Variants in SCD5 observed in about 807,000 individuals in gnomAD.
SCD5 encodes acyl-CoA-desaturase 4.
SCD5 carries 20 observed loss-of-function variants against 30.4 expected under a neutral mutation model. That is an observed-to-expected ratio of 0.66 (90% CI 0.46 to 0.96). The LOEUF is 0.96. SCD5 is among the 40% of genes least tolerant of loss of function. The pLI, the probability that SCD5 is intolerant of heterozygous loss-of-function variation, is 0.00. For missense variants in SCD5, 381 were observed against 443.3 expected, an observed-to-expected ratio of 0.86 and a Z score of 1.26; for synonymous variants, 173 against 176.4, an observed-to-expected ratio of 0.98 and a Z score of 0.16.
chr4:82,665,431 T>C (rs1448065931), intron 3 of SCD5, among the ~76,000 whole-genome samples: 1 of 151,360 alleles, frequency 6.6e-6, no homozygotes, highest in Non-Finnish European at 1.5e-5. Flanking sequence ...AAACTGAAGA[T>C]AAAATATATT....
chr4:82,650,438 T>C (rs1438006783), intron 3 of SCD5, among the ~76,000 whole-genome samples: 1 of 152,244 alleles, frequency 6.6e-6, no homozygotes, highest in Non-Finnish European at 1.5e-5. Context: ...CTCATGCCTG[T>C]AATCCCAGCA....
Position 82,636,730 on chromosome 4 carries a change from G to A in SCD5, c.663C>T (p.Phe221=). The A allele has an allele frequency of 6.2e-7, 1 of 1,614,246 alleles. No individual in the cohort carries two copies. Among genetic ancestry groups the A allele is most frequent in the Admixed American group, 1.7e-5 (1 of 60,032 alleles). The change falls in exon 4 of 5, where the codon TTC becomes TTT. Residue 221 remains phenylalanine, a synonymous_variant. Transcript: ENST00000319540. ...TGGTATAGCGGAGAATAGAGGCCAA[G>A]AAGTAGGAATTCCACAGACTCTCTC... ...IWGESLWNSY[F]LASILRYTIS...
chr4:82,720,447 A>AAAAAAAAAAAAAAAAAAAAAAAAAAAC (rs1560543495), intron 1 of SCD5, among the ~76,000 whole-genome samples: 2 of 148,016 alleles, frequency 1.4e-5, no homozygotes, highest in East Asian at 1.9e-4. Flanking sequence ...AAAATAAAAA[A>AAAAAAAAAAAAAAAAAAAAAAAAAAAC]AAAAAAAAAA....
chr4:82,755,920 AAC>A (rs1420916415), intron 1 of SCD5, among the ~76,000 whole-genome samples: 3 of 152,212 alleles, frequency 2.0e-5, no homozygotes, highest in African/African-American at 4.8e-5. Flanking sequence ...GTGGACTGGA[AAC>A]AGAGAAAAAT....
At chr4:82,747,511 T>TAA (rs1721021390) in intron 1 of SCD5, among the ~76,000 whole-genome samples, 1 of 152,228 alleles carries the variant, frequency 6.6e-6, no homozygotes, top group South Asian at 2.1e-4. Context: ...AAACCTCACT[T>TAA]ACGTTTCTCT....
At chr4:82,651,173 T>C (rs1727743789) in intron 3 of SCD5, among the ~76,000 whole-genome samples, 1 of 152,172 alleles carries the variant, frequency 6.6e-6, no homozygotes, top group African/African-American at 2.4e-5. Flanking sequence ...TTACAGACCC[T>C]CTGAAAGGGT....
chr4:82,732,432 G>C (rs17351767), intron 1 of SCD5, among the ~76,000 whole-genome samples: 58,455 of 152,016 alleles, frequency 0.38, 11,377 homozygotes, highest in Admixed American at 0.43. Flanking sequence ...ATTCATGGAT[G>C]CACTCACTCA....
chr4:82,646,873 A>G (rs1021071760), intron 3 of SCD5, among the ~76,000 whole-genome samples: 1 of 152,194 alleles, frequency 6.6e-6, no homozygotes, highest in Non-Finnish European at 1.5e-5. Flanking sequence ...CCCAGGCTGG[A>G]GTGCAGTGGT....
At chr4:82,740,905 G>A (rs956044104) in intron 1 of SCD5, among the ~76,000 whole-genome samples, 4 of 151,118 alleles carry the variant, frequency 2.6e-5, no homozygotes, top group Admixed American at 2.0e-4. Context: ...GAAAGACTAA[G>A]ACTAAGGTGG....
chr4:82,777,353 CA>C (rs1369615559), intron 1 of SCD5, among the ~76,000 whole-genome samples: 1 of 152,202 alleles, frequency 6.6e-6, no homozygotes, highest in Non-Finnish European at 1.5e-5. Flanking sequence ...ATCTTTCAAA[CA>C]GCATCAGATA....
chr4:82,688,935 A>C (rs1040351583), intron 2 of SCD5, among the ~76,000 whole-genome samples: 1 of 152,226 alleles, frequency 6.6e-6, no homozygotes, highest in African/African-American at 2.4e-5. Flanking sequence ...TTGGCAAATA[A>C]GTTGGTCTTC....
Position 82,641,253 on chromosome 4 carries a change from C to CA in SCD5, c.570-4431dup, listed in dbSNP as rs10708492. On this transcript the variant is annotated intron_variant, in intron 3 of 4. Coordinates refer to ENST00000319540, the MANE Select transcript of SCD5 (RefSeq NM_001037582.3). ...TAGGCGAAGAAGCAAAACTCCATCT[C>CA]AAAAAAAAAAAAAAAAAAAAAAAAA... 8.0e-3 allele frequency among the ~76,000 whole-genome samples: 417 copies of CA among 52,212 alleles called. 24 individuals carry two copies. Among genetic ancestry groups the CA allele is most frequent in the South Asian group, 0.014 (9 of 660 alleles). The allele number at this position is 52,212 out of a possible 152,430, so 34.3% of individuals were successfully genotyped here.
At chr4:82,770,669 T>G (rs923769083) in intron 1 of SCD5, among the ~76,000 whole-genome samples, 3 of 152,250 alleles carry the variant, frequency 2.0e-5, no homozygotes, top group African/African-American at 7.2e-5. Flanking sequence ...CTGCCAGGGC[T>G]CTGCACATGT....
chr4:82,790,828 T>C (rs1722084775), intron 1 of SCD5, among the ~76,000 whole-genome samples: 1 of 152,138 alleles, frequency 6.6e-6, no homozygotes, highest in South Asian at 2.1e-4. Context: ...AGGGCATCTC[T>C]TTTAGACATT....
Position 82,682,728 on chromosome 4 carries a change from A to G in SCD5, c.364-1816T>C, listed in dbSNP as rs112696338. ...GTGGTGCAATCACATAGCTCTCTGT[A>G]GCCTTGACCGTCTGGGCTCAAGTGA... On this transcript the variant is annotated intron_variant, in intron 2 of 4. Transcript: ENST00000319540. 5.7e-3 allele frequency among the ~76,000 whole-genome samples: 867 copies of G among 152,242 alleles called. 10 individuals carry two copies. The highest frequency in any genetic ancestry group is 0.02 in the African/African-American group (826 of 41,548).
In SCD5 at chr4:82,769,205, C is replaced by A. The variant is rs992642502; in HGVS notation, c.232+29101G>T. Among the ~76,000 whole-genome samples, 6 of 151,786 alleles carry A rather than the reference C, an allele frequency of 4.0e-5. 1 individual carries two copies. The highest frequency in any genetic ancestry group is 8.8e-5 in the Non-Finnish European group (6 of 67,912). On this transcript the variant is annotated intron_variant, in intron 1 of 4. Coordinates refer to ENST00000319540, the MANE Select transcript of SCD5 (RefSeq NM_001037582.3). ...GAAGATCTCTGAGCTCCATTCCCAG[C>A]CACTGCCCTGAGATTGTGAGGGCAA...
At chr4:82,658,467 CTTTTTTTTT>C (rs33912415) in intron 3 of SCD5, among the ~76,000 whole-genome samples, 1 of 105,548 alleles carries the variant, frequency 9.5e-6, no homozygotes, top group African/African-American at 3.8e-5. Context: ...GGTGGATAAG[CTTTTTTTTT>C]TTTTTTTTTT....
chr4:82,660,638 T>C, intron 3 of SCD5: 1 of 1,376,184 alleles, frequency 7.3e-7, no homozygotes, highest in East Asian at 2.8e-5. Flanking sequence ...GATGTGGAAA[T>C]AGAATCTCAG....
chr4:82,790,679 G>T (rs963541120), intron 1 of SCD5, among the ~76,000 whole-genome samples: 13 of 152,182 alleles, frequency 8.5e-5, no homozygotes, highest in Non-Finnish European at 1.6e-4. Flanking sequence ...TAAGTGCAAT[G>T]AAGTCAAGGA....
Sources: allele counts gnomAD v4.1 joint callset (sites outside exome capture counted in the v4.1 genomes callset), GRCh38; gene constraint gnomAD v4.1.1; transcripts MANE v1.5; gene names NCBI Gene and HGNC (gene_info 2026-07-23, HGNC 2026-07-21).